NSUN3: variants seen among roughly 807,000 people sequenced by gnomAD.
NSUN3 encodes the protein NOP2/Sun RNA methyltransferase 3.
A neutral mutation model predicts 36.8 loss-of-function variants in NSUN3; 24 were observed. The observed-to-expected ratio is 0.65, with a 90% CI of 0.47 to 0.92. NSUN3 has a LOEUF of 0.92. Ranked by LOEUF, NSUN3 falls within the 40% of genes least tolerant of loss-of-function variation. NSUN3 has a pLI of 0.00. For missense variants in NSUN3, 381 were observed against 392.8 expected (o/e 0.97, Z 0.25); for synonymous variants, 146 against 145.2 (o/e 1.01, Z -0.04).
At chr3:94,075,797 A>G (rs567837287) in intron 2 of NSUN3, 4 of 745,354 alleles carry the variant, frequency 5.4e-6, no homozygotes, top group African/African-American at 1.8e-5. Flanking sequence ...GGTGGTACCT[A>G]TTATATAGAG....
chr3:94,064,505 A>C lies in NSUN3; in HGVS notation c.81A>C (p.Lys27Asn). ...AAGTTGTGTTGGATCATTTTGAAAA[A>C]CAGTATTCCAAAGAACTCGGAGATG... ...ICKVVLDHFEKQYSKELGDAW... is the reference protein window; with the variant it reads ...ICKVVLDHFENQYSKELGDAW... Residue 27 changes from lysine to asparagine, a missense_variant, in exon 2 of 6, where the codon AAA (lysine) becomes AAC (asparagine). By Grantham distance (94) the Lys-to-Asn change is moderately conservative. Transcript: ENST00000314622. The C allele has an allele frequency of 6.2e-7, 1 of 1,613,398 alleles. No individual in the cohort carries two copies.
chr3:94,118,473 T>TGATAATAAG (rs2077449197), intron 5 of NSUN3, among the ~76,000 whole-genome samples: 1 of 152,176 alleles, frequency 6.6e-6, no homozygotes, highest in South Asian at 2.1e-4. Flanking sequence ...CAATGATGAA[T>TGATAATAAG]AATACCAGTC....
At chr3:94,092,733 G>GTC (rs1468630610) in intron 3 of NSUN3, among the ~76,000 whole-genome samples, 4 of 151,512 alleles carry the variant, frequency 2.6e-5, no homozygotes, top group Non-Finnish European at 4.4e-5. Flanking sequence ...GCGAAACCCC[G>GTC]TCTCTACTAA....
At chr3:94,064,388 TAAATTTGTAATATCACTGTGTGTCAG>T (rs1205408018) in intron 1 of NSUN3, 23 bp from the exon 2 acceptor site, 25 of 1,131,218 alleles carry the variant, frequency 2.2e-5, no homozygotes, top group Non-Finnish European at 3.2e-5. Flanking sequence ...TGACGTTCAG[TAAATTTGTAATATCACTGTGTGTCAG>T]CAACTTTTTC....
Position 94,131,553 on chromosome 3 carries a change from G to T in NSUN3, c.*5063G>T, listed in dbSNP as rs1253010645. On this transcript the variant is annotated 3_prime_UTR_variant, in exon 6 of 6. Coordinates refer to ENST00000314622, the MANE Select transcript of NSUN3 (RefSeq NM_022072.5). ...TTCAGGCCATATTGTAAAGAAGTGT[G>T]TCTTGTGATTTTGATACCCAGAAAT... 1.3e-5 allele frequency among the ~76,000 whole-genome samples: 2 copies of T among 152,166 alleles called. No homozygotes were observed. Among genetic ancestry groups the T allele is most frequent in the African/African-American group, 4.8e-5 (2 of 41,442 alleles).
chr3:94,108,641 G>A (rs753961108), intron 5 of NSUN3, among the ~76,000 whole-genome samples: 4 of 151,538 alleles, frequency 2.6e-5, no homozygotes, highest in Non-Finnish European at 4.4e-5. Context: ...TTACAGGTGT[G>A]AGCCACCGCG....
chr3:94,077,219 G>A (rs1182186849), intron 2 of NSUN3: 2 of 652,972 alleles, frequency 3.1e-6, no homozygotes, highest in Admixed American at 4.7e-5. Context: ...GGTGTTGCAG[G>A]AGGGGCAGGG....
In NSUN3 at chr3:94,129,194, T is replaced by TA. The variant is rs146511719; in HGVS notation, c.*2707dup. On this transcript the variant is annotated 3_prime_UTR_variant, in exon 6 of 6. Transcript: ENST00000314622. The stretch of plus-strand genomic sequence containing the variant: ...ATAAATTGTCCTACAAAAAAAGACA[T>TA]AAACGCTTGTGTGTTCATCACAGTA... 3.8e-3 allele frequency among the ~76,000 whole-genome samples: 586 copies of TA among 152,216 alleles called. 4 individuals carry two copies. The highest frequency in any genetic ancestry group is 6.8e-3 in the Middle Eastern group (2 of 294).
At chr3:94,097,284 T>A (rs1046930928) in intron 5 of NSUN3, among the ~76,000 whole-genome samples, 2 of 152,168 alleles carry the variant, frequency 1.3e-5, no homozygotes, top group African/African-American at 4.8e-5. Flanking sequence ...GAGTTAACTG[T>A]TGGATTAGTA....
chr3:94,064,430 G>A lies in NSUN3; in HGVS notation c.13-7G>A, dbSNP rs1208350485. On this transcript the variant is annotated splice_region_variant and splice_polypyrimidine_tract_variant and intron_variant, in intron 1 of 5. Coordinates refer to ENST00000314622, the MANE Select transcript of NSUN3 (RefSeq NM_022072.5). ...TGTGTGTCAGCAACTTTTTCTTATC[G>A]TCATAGCTGAAAGCAAAATCAGAGG... 1.9e-6 allele frequency: 3 copies of A among 1,591,928 alleles called. No individual in the cohort carries two copies. Among genetic ancestry groups the A allele is most frequent in the African/African-American group, 2.7e-5 (2 of 74,554 alleles).
intron 5 of NSUN3, among the ~76,000 whole-genome samples, chr3:94,099,471 T>C (rs1237516361): frequency 6.6e-6 from 1 of 152,106 alleles, no homozygotes; most frequent in Non-Finnish European, 1.5e-5. Context: ...TCACATTGAA[T>C]GTAGGTTTTC....
In NSUN3 at chr3:94,130,745, ATGAT is replaced by A. The variant is rs1204232507; in HGVS notation, c.*4259_*4262del. On this transcript the variant is annotated 3_prime_UTR_variant, in exon 6 of 6. Coordinates refer to ENST00000314622, the MANE Select transcript of NSUN3 (RefSeq NM_022072.5). ...AGGCTTTCAGTTTGGCCACAGCTGAATGATTGAGAATTACCAGATAAATCCTCCA... is the reference window on the plus strand; with the variant it reads ...AGGCTTTCAGTTTGGCCACAGCTGAATGAGAATTACCAGATAAATCCTCCA... Among the ~76,000 whole-genome samples, 4 of 152,182 alleles carry A rather than the reference ATGAT, an allele frequency of 2.6e-5. No individual in the cohort carries two copies. The highest frequency in any genetic ancestry group is 5.9e-5 in the Non-Finnish European group (4 of 68,036).
At chr3:94,090,568 G>A (rs2077310676) in intron 3 of NSUN3, among the ~76,000 whole-genome samples, 1 of 152,152 alleles carries the variant, frequency 6.6e-6, no homozygotes, top group Non-Finnish European at 1.5e-5. Flanking sequence ...GTGTATAGAG[G>A]TAAGGGATAT....
rs183540816 is a variant in NSUN3 at position 94,096,131 on chromosome 3, G to A, written c.743+977G>A. Among the ~76,000 whole-genome samples, 19 of 152,128 alleles carry A rather than the reference G, an allele frequency of 1.2e-4. 1 individual carries two copies. The South Asian group carries it at 2.9e-3, about 23-fold the overall frequency. ...CTTAATCACTCATTACCTCTTGCAC[G>A]TAGAAAGACAGTGAATGACAGTATG... On this transcript the variant is annotated intron_variant, in intron 5 of 5. Coordinates refer to ENST00000314622, the MANE Select transcript of NSUN3 (RefSeq NM_022072.5).
At position 94,094,154 on chromosome 3, in the gene NSUN3, A is replaced by T; in HGVS notation, c.481A>T (p.Asn161Tyr). Residue 161 changes from asparagine (N) to tyrosine (Y), a missense_variant, in exon 4 of 6, where the codon AAT (asparagine) becomes TAT (tyrosine). Asn to Tyr is a moderately radical substitution (Grantham distance 143). Coordinates refer to ENST00000314622, the MANE Select transcript of NSUN3 (RefSeq NM_022072.5). ...TTTTTATTTAGGTTATCTTCATTGT[A>T]ATGAATATGATAGTCTGAGATTGAG... is the stretch of plus-strand genomic sequence containing the variant. ...QCACPGYLHC[N>Y]EYDSLRLRWL... is the part of the protein sequence containing the mutation. 6.2e-7 allele frequency: 1 copy of T among 1,602,354 alleles called. No homozygotes were observed. The highest frequency in any genetic ancestry group is 1.1e-5 in the South Asian group (1 of 88,756).
chr3:94,093,817 A>G (rs1459543229), intron 3 of NSUN3, among the ~76,000 whole-genome samples: 2 of 152,216 alleles, frequency 1.3e-5, no homozygotes, highest in African/African-American at 4.8e-5. Context: ...GTTGTATAAC[A>G]TATCTTTAGG....
intron 5 of NSUN3, 150 bp from the exon 6 acceptor site, chr3:94,126,059 CAA>C (rs879420714): frequency 0.014 from 6,913 of 486,594 alleles, no homozygotes; most frequent in South Asian, 0.025. Flanking sequence ...GACTCTGTCT[CAA>C]AAAAAAAAAA....
intron 2 of NSUN3, among the ~76,000 whole-genome samples, chr3:94,075,229 G>C (rs1408173159): frequency 6.6e-6 from 1 of 151,824 alleles, no homozygotes; most frequent in Non-Finnish European, 1.5e-5. Context: ...TTACAACTTG[G>C]TGGTCTCAAG....
intron 5 of NSUN3, among the ~76,000 whole-genome samples, chr3:94,120,212 G>T (rs1310875182): frequency 6.6e-6 from 1 of 152,114 alleles, no homozygotes; most frequent in Admixed American, 6.5e-5. Context: ...TTCAAATATT[G>T]CCTATATCCA....
Sources: allele counts gnomAD v4.1 joint callset (sites outside exome capture counted in the v4.1 genomes callset), GRCh38; gene constraint gnomAD v4.1.1; transcripts MANE v1.5; gene names NCBI Gene and HGNC (gene_info 2026-07-23, HGNC 2026-07-21).